The following KCTD16 variants were observed in gnomAD, a reference collection of about 807,000 sequenced individuals.
KCTD16 encodes the protein potassium channel tetramerization domain containing 16, also known as BTB/POZ domain-containing protein KCTD16.
Under a neutral mutation model 33.2 loss-of-function variants are expected in KCTD16, and 13 were observed. The observed-to-expected ratio is 0.39, with a 90% CI of 0.25 to 0.62. The LOEUF (loss-of-function observed/expected upper bound fraction) is 0.62. Among genes scored for constraint, KCTD16 ranks in the 20% least tolerant of loss-of-function variants. The pLI is 0.50. For synonymous variants in KCTD16, 197 were observed against 195.3 expected (o/e 1.01, Z -0.07); for missense variants, 441 against 525.1 (o/e 0.84, Z 1.57).
At chr5:144,200,829 G>T (rs76132703) in intron 2 of KCTD16, among the ~76,000 whole-genome samples, 1 of 152,124 alleles carries the variant, frequency 6.6e-6, no homozygotes, top group Non-Finnish European at 1.5e-5. Context: ...CCTTAAACTC[G>T]AGACTCAAGG....
In KCTD16 at chr5:144,446,651, T is replaced by C. The variant is rs551124334; in HGVS notation, c.833-27009T>C. 2.6e-5 allele frequency among the ~76,000 whole-genome samples: 4 copies of C among 152,242 alleles called. No individual in the cohort carries two copies. The East Asian group carries it at 7.7e-4, about 29-fold the overall frequency. On this transcript the variant is annotated intron_variant, in intron 3 of 3. Coordinates refer to ENST00000512467, the MANE Select transcript of KCTD16 (RefSeq NM_020768.4). ...AGAATGGGAGAACATTTTTGCAATC[T>C]ATCCATCTGACAAAGGGCTAATAAC...
chr5:144,474,836 A>G lies in KCTD16; in HGVS notation c.*722A>G, dbSNP rs1165588938. 5 of 152,204 alleles carry G rather than the reference A, an allele frequency of 3.3e-5. No homozygotes were observed. Among genetic ancestry groups the G allele is most frequent in the Admixed American group, 6.5e-5 (1 of 15,272 alleles). The allele number at this position is 152,204 out of a possible 1,614,324, so 9.4% of individuals were successfully genotyped here. A position where few individuals can be genotyped will look rare whatever the true frequency, so the allele number is the denominator to read the frequency against. Reference sequence around the variant, plus strand: ...GCCTTTCTTCACAACACTTTCTAACATCAAATGACTCTCATCATCAACAAA... The same window carrying G: ...GCCTTTCTTCACAACACTTTCTAACGTCAAATGACTCTCATCATCAACAAA... On this transcript the variant is annotated 3_prime_UTR_variant, in exon 4 of 4. Coordinates refer to ENST00000512467, the MANE Select transcript of KCTD16 (RefSeq NM_020768.4).
intron 2 of KCTD16, among the ~76,000 whole-genome samples, chr5:144,176,548 G>A (rs1752511861): frequency 6.6e-6 from 1 of 150,978 alleles, no homozygotes; most frequent in East Asian, 1.9e-4. Context: ...GACTACAGGC[G>A]CCCGCCACCG....
chr5:144,207,817 T>C (rs192964258), intron 3 of KCTD16, among the ~76,000 whole-genome samples: 34 of 152,322 alleles, frequency 2.2e-4, no homozygotes, highest in Middle Eastern at 3.4e-3. Context: ...GGAACAAGCA[T>C]GTATGTCTTT....
chr5:144,199,837 C>G (rs1052933670), intron 2 of KCTD16, among the ~76,000 whole-genome samples: 2 of 150,878 alleles, frequency 1.3e-5, no homozygotes, highest in African/African-American at 4.9e-5. Flanking sequence ...CTGATTCAGC[C>G]TCCCGTAGCT....
At chr5:144,220,611 G>A (rs1270450159) in intron 3 of KCTD16, among the ~76,000 whole-genome samples, 3 of 151,968 alleles carry the variant, frequency 2.0e-5, no homozygotes, top group Non-Finnish European at 4.4e-5. Context: ...CTATATACAT[G>A]TATGTAGGTG....
intron 3 of KCTD16, among the ~76,000 whole-genome samples, chr5:144,299,131 TATA>T (rs1751329465): frequency 3.3e-5 from 1 of 30,272 alleles, no homozygotes; most frequent in African/African-American, 3.4e-4. Context: ...TATATATATA[TATA>T]TATATATATA....
chr5:144,307,752 C>T (rs1223471688), intron 3 of KCTD16, among the ~76,000 whole-genome samples: 1 of 152,184 alleles, frequency 6.6e-6, no homozygotes, highest in Admixed American at 6.6e-5. Context: ...AATTTATGTA[C>T]ATTAAGGTGA....
chr5:144,456,268 T>C (rs1205233259), intron 3 of KCTD16, among the ~76,000 whole-genome samples: 5 of 152,184 alleles, frequency 3.3e-5, no homozygotes, highest in Non-Finnish European at 5.9e-5. Flanking sequence ...GAGAATAGTG[T>C]ACTGTTGTTT....
rs1159324103 is a variant in KCTD16 at position 144,485,620 on chromosome 5, T to C, written c.*11506T>C. ...GAATAGGTAACTATTTTTATGTGTTTCCATAAATGACTCCATTTCATATGC... is the reference window on the plus strand; with the variant it reads ...GAATAGGTAACTATTTTTATGTGTTCCCATAAATGACTCCATTTCATATGC... On this transcript the variant is annotated 3_prime_UTR_variant, in exon 4 of 4. Coordinates refer to ENST00000512467, the MANE Select transcript of KCTD16 (RefSeq NM_020768.4). 2.0e-5 allele frequency: 3 copies of C among 152,050 alleles called. No individual in the cohort carries two copies. The highest frequency in any genetic ancestry group is 2.0e-4 in the Admixed American group (3 of 15,228). The allele number at this position is 152,050 out of a possible 1,614,324, so 9.4% of individuals were successfully genotyped here. A position where few individuals can be genotyped will look rare whatever the true frequency, so the allele number is the denominator to read the frequency against.
chr5:144,186,887 T>C (rs1752737841), intron 2 of KCTD16, among the ~76,000 whole-genome samples: 1 of 152,200 alleles, frequency 6.6e-6, no homozygotes, highest in Non-Finnish European at 1.5e-5. Flanking sequence ...AGTAACTCTT[T>C]ATTCAACACC....
At chr5:144,441,853 T>C (rs1753717851) in intron 3 of KCTD16, among the ~76,000 whole-genome samples, 1 of 148,482 alleles carries the variant, frequency 6.7e-6, no homozygotes, top group Non-Finnish European at 1.5e-5. Flanking sequence ...CTTGACAATT[T>C]CTGCAAAAAA....
intron 3 of KCTD16, among the ~76,000 whole-genome samples, chr5:144,455,820 G>C (rs1754048450): frequency 1.3e-5 from 2 of 152,190 alleles, no homozygotes; most frequent in Non-Finnish European, 2.9e-5. Context: ...GTCTGCAAAT[G>C]TCTGAGTATA....
Position 144,206,691 on chromosome 5 carries a change from T to TAGC in KCTD16, c.-15_-13dup. On this transcript the variant is annotated 5_prime_UTR_variant, in exon 3 of 4. Coordinates refer to ENST00000512467, the MANE Select transcript of KCTD16 (RefSeq NM_020768.4). The stretch of plus-strand genomic sequence containing the variant: ...ATTGGATTGCACCTTTAAATCAAAA[T>TAGC]AGCAGCAGCAGAAGAAAGGGACAAT... 2.5e-6 allele frequency: 4 copies of TAGC among 1,580,596 alleles called. No homozygotes were observed. The highest frequency in any genetic ancestry group is 1.3e-5 in the African/African-American group (1 of 74,100).
At chr5:144,309,980 A>C (rs1035048830) in intron 3 of KCTD16, among the ~76,000 whole-genome samples, 2 of 151,650 alleles carry the variant, frequency 1.3e-5, no homozygotes, top group African/African-American at 4.8e-5. Context: ...GGTCTTTTAT[A>C]ATTTTTTTTC....
chr5:144,297,981 T>C (rs1756092067), intron 3 of KCTD16, among the ~76,000 whole-genome samples: 1 of 152,228 alleles, frequency 6.6e-6, no homozygotes, highest in African/African-American at 2.4e-5. Context: ...CCCTTGACTT[T>C]CATCCCTCTG....
intron 3 of KCTD16, among the ~76,000 whole-genome samples, chr5:144,388,230 C>T (rs2126936425): frequency 6.6e-6 from 1 of 151,376 alleles, no homozygotes; most frequent in Middle Eastern, 3.4e-3. Context: ...CAGGCGCCCG[C>T]CACCACGCCC....
chr5:144,360,744 T>TTA (rs1751692238), intron 3 of KCTD16, among the ~76,000 whole-genome samples: 1 of 152,158 alleles, frequency 6.6e-6, no homozygotes, highest in Non-Finnish European at 1.5e-5. Flanking sequence ...TCATCCTTTT[T>TTA]TATGGCTGCA....
intron 3 of KCTD16, among the ~76,000 whole-genome samples, chr5:144,450,058 A>T (rs1753906776): frequency 6.6e-6 from 1 of 152,100 alleles, no homozygotes; most frequent in Non-Finnish European, 1.5e-5. Context: ...ACCTGATAAG[A>T]ATGAATATCC....
Sources: allele counts gnomAD v4.1 joint callset (sites outside exome capture counted in the v4.1 genomes callset), GRCh38; gene constraint gnomAD v4.1.1; transcripts MANE v1.5; gene names NCBI Gene and HGNC (gene_info 2026-07-23, HGNC 2026-07-21).